The following N4BP2 variants were observed in gnomAD, a reference collection of about 807,000 sequenced individuals.
N4BP2 encodes NEDD4 binding protein 2, also known as NEDD4-binding protein 2.
Under a neutral mutation model 152.8 loss-of-function variants are expected in N4BP2, and 91 were observed. The observed-to-expected ratio is 0.60, with a 90% confidence interval of 0.50 to 0.71. N4BP2 has a LOEUF of 0.71. N4BP2 is among the 30% of genes least tolerant of loss of function. The probability of loss-of-function intolerance (pLI) is 0.00; values close to 1 mark genes in which losing one functional copy is unlikely to be tolerated. For synonymous variants in N4BP2, 646 were observed against 705.3 expected, an observed-to-expected ratio of 0.92 and a Z score of 1.33; for missense variants, 1,923 against 2,059.1, an observed-to-expected ratio of 0.93 and a Z score of 1.28.
At chr4:40,112,039 T>G (rs1716932859) in intron 5 of N4BP2, 45 bp from the exon 6 acceptor site, 1 of 1,005,166 alleles carries the variant, frequency 9.9e-7, no homozygotes, top group East Asian at 2.5e-5. Context: ...TCATAATACT[T>G]AGTATTGTTT....
At chr4:40,119,531 C>T (rs577257113) in intron 8 of N4BP2, among the ~76,000 whole-genome samples, 1 of 152,030 alleles carries the variant, frequency 6.6e-6, no homozygotes, top group East Asian at 1.9e-4. Context: ...GAAGCTTCCT[C>T]GGTATCAGAC....
intron 2 of N4BP2, among the ~76,000 whole-genome samples, chr4:40,080,310 G>GTATATATATATATATATATA (rs140955860): frequency 6.8e-6 from 1 of 147,046 alleles, no homozygotes; most frequent in African/African-American, 2.5e-5. Context: ...AGTGTGAGCT[G>GTATATATATATATATATATA]TATATATATA....
chr4:40,189,336 G>A, the N4BP2 span, among the ~76,000 whole-genome samples: 1 of 152,154 alleles, frequency 6.6e-6, no homozygotes, highest in African/African-American at 2.4e-5. The surrounding 1 kb of genome is among the most constrained non-coding windows in gnomAD (Gnocchi z 4.3). Flanking sequence ...ATGGCAGTCT[G>A]TGATGGAAAA....
chr4:40,188,876 G>A, the N4BP2 span, among the ~76,000 whole-genome samples: 1 of 152,162 alleles, frequency 6.6e-6, no homozygotes, highest in South Asian at 2.1e-4. Context: ...CGGGTGCAGT[G>A]GCTCATGCCT....
rs1721752270 is a variant in N4BP2 at position 40,158,221 on chromosome 4, C to T, written c.*3984C>T. The T allele has an allele frequency of 6.6e-6, 1 of 152,138 alleles. No homozygotes were observed. The highest frequency in any genetic ancestry group is 2.4e-5 in the African/African-American group (1 of 41,412). 9.4% of individuals were successfully genotyped at this position (152,138 alleles called of 1,614,324 possible). A position where few individuals can be genotyped will look rare whatever the true frequency, so the allele number is the denominator to read the frequency against. ...TTCTTATGAAGCCATTTGCAAATTA[C>T]ATACTTAATTTAATAAAATACTTTA... On this transcript the variant is annotated 3_prime_UTR_variant, in exon 18 of 18. Coordinates refer to ENST00000261435, the MANE Select transcript of N4BP2 (RefSeq NM_018177.6).
At chr4:40,132,833 G>A (rs926401966) in intron 13 of N4BP2, among the ~76,000 whole-genome samples, 1 of 64,130 alleles carries the variant, frequency 1.6e-5, no homozygotes, top group African/African-American at 4.5e-5. Flanking sequence ...TTTACTTTCA[G>A]ATTTTTTTTT....
chr4:40,128,174 G>T (rs1248032998), intron 12 of N4BP2, among the ~76,000 whole-genome samples: 3 of 152,128 alleles, frequency 2.0e-5, no homozygotes, highest in African/African-American at 7.2e-5. Flanking sequence ...AAGAATTCCA[G>T]GTCAAAAGGG....
At chr4:40,132,176 ATAAC>A (rs1266349435) in intron 13 of N4BP2, among the ~76,000 whole-genome samples, 5 of 152,150 alleles carry the variant, frequency 3.3e-5, no homozygotes, top group Admixed American at 6.6e-5. Flanking sequence ...ATTAACAACT[ATAAC>A]TAACAATAAA....
At chr4:40,090,371 A>C (rs1159707437) in intron 2 of N4BP2, among the ~76,000 whole-genome samples, 2 of 152,192 alleles carry the variant, frequency 1.3e-5, no homozygotes, top group Admixed American at 1.3e-4. Flanking sequence ...TTGGGGAAGA[A>C]TTGACATATT....
At chr4:40,067,541 T>C (rs1411070054) in intron 1 of N4BP2, among the ~76,000 whole-genome samples, 1 of 152,104 alleles carries the variant, frequency 6.6e-6, no homozygotes, top group African/African-American at 2.4e-5. Context: ...ATTTTGGATA[T>C]GTACCCTGAA....
At chr4:40,146,582 A>G (rs1365343408) in intron 16 of N4BP2, among the ~76,000 whole-genome samples, 2 of 152,192 alleles carry the variant, frequency 1.3e-5, no homozygotes, top group South Asian at 4.1e-4. Context: ...CAATGTGATG[A>G]TTTGATAAAT....
the N4BP2 span, among the ~76,000 whole-genome samples, chr4:40,165,166 C>T: frequency 2.0e-5 from 3 of 152,138 alleles, no homozygotes; most frequent in Non-Finnish European, 4.4e-5. Flanking sequence ...TGGTTCCTGT[C>T]CTTAGAGTCA....
chr4:40,160,662 A>G (rs1202281950), downstream of N4BP2, among the ~76,000 whole-genome samples: 1 of 152,220 alleles, frequency 6.6e-6, no homozygotes, highest in African/African-American at 2.4e-5. Flanking sequence ...TTTCACATGC[A>G]TTTCTTAGTT....
the N4BP2 span, among the ~76,000 whole-genome samples, chr4:40,168,962 G>T: frequency 6.6e-6 from 1 of 151,986 alleles, no homozygotes; most frequent in African/African-American, 2.4e-5. Context: ...CTGACTTCAG[G>T]TGATCCGCCC....
rs1042323805 is a variant in N4BP2, at chr4:40,087,827, A to G, written c.-114-9400A>G. ...AATGGCTCGATCTCGGCTTACTGCA[A>G]CCTCTGTCTCCTGGGTTCTAAGTGA... On this transcript the variant is annotated intron_variant, in intron 2 of 17. Transcript: ENST00000261435. Among the ~76,000 whole-genome samples the G allele has an allele frequency of 1.4e-4, 21 of 151,762 alleles. 1 individual carries two copies. The highest frequency in any genetic ancestry group is 1.2e-3 in the Admixed American group (18 of 15,198).
chr4:40,124,869 T>C (rs1718252081), intron 11 of N4BP2, among the ~76,000 whole-genome samples: 1 of 152,186 alleles, frequency 6.6e-6, no homozygotes, highest in Non-Finnish European at 1.5e-5. Flanking sequence ...CATTGAAATA[T>C]TACTTGGTTA....
Position 40,158,126 on chromosome 4 carries a change from G to GA in N4BP2, c.*3893dup, listed in dbSNP as rs1279636516. On this transcript the variant is annotated 3_prime_UTR_variant, in exon 18 of 18. Coordinates refer to ENST00000261435, the MANE Select transcript of N4BP2 (RefSeq NM_018177.6). ...AAAATGTTTTTATTTGTACTGTATAGAAAATGTAATTTTGCTGTTAACTCT... is the reference window on the plus strand; with the variant it reads ...AAAATGTTTTTATTTGTACTGTATAGAAAAATGTAATTTTGCTGTTAACTCT... The GA allele has an allele frequency of 2.0e-5, 3 of 152,048 alleles. No individual in the cohort carries two copies. Among genetic ancestry groups the GA allele is most frequent in the Non-Finnish European group, 4.4e-5 (3 of 67,996 alleles). The allele number at this position is 152,048 out of a possible 1,614,324, so 9.4% of individuals were successfully genotyped here. A position where few individuals can be genotyped will look rare whatever the true frequency, so the allele number is the denominator to read the frequency against.
chr4:40,085,436 A>G (rs1246345043), intron 2 of N4BP2, among the ~76,000 whole-genome samples: 4 of 152,132 alleles, frequency 2.6e-5, no homozygotes, highest in East Asian at 3.9e-4. Flanking sequence ...TAAATTTGTT[A>G]GCATGTTGAT....
At chr4:40,141,248 G>T (rs1403254864) in intron 14 of N4BP2, among the ~76,000 whole-genome samples, 2 of 151,500 alleles carry the variant, frequency 1.3e-5, no homozygotes, top group Admixed American at 6.6e-5. Flanking sequence ...CCTGGACGGG[G>T]CGGCTGGCCT....
Sources: allele counts gnomAD v4.1 joint callset (sites outside exome capture counted in the v4.1 genomes callset), GRCh38; gene constraint gnomAD v4.1.1; non-coding constraint Gnocchi (gnomAD v3.1); transcripts MANE v1.5; gene names NCBI Gene and HGNC (gene_info 2026-07-23, HGNC 2026-07-21).